Variants in PEPD observed in about 807,000 individuals in gnomAD.
The protein encoded by PEPD is peptidase D, also known as xaa-Pro dipeptidase.
A neutral mutation model predicts 60.7 loss-of-function variants in PEPD; 53 were observed. The ratio of observed to expected loss-of-function variants is 0.87; its 90% CI spans 0.70 to 1.10. The LOEUF (loss-of-function observed/expected upper bound fraction) is 1.10, where lower values mean the gene tolerates loss of function less well. Among genes scored for constraint, PEPD ranks in the 50% least tolerant of loss-of-function variants. The pLI is 0.00. For missense variants in PEPD, 711 were observed against 711.9 expected, an observed-to-expected ratio of 1.00 and a Z score of 0.01; for synonymous variants, 267 against 284.1, an observed-to-expected ratio of 0.94 and a Z score of 0.60.
intron 9 of PEPD, among the ~76,000 whole-genome samples, chr19:33,418,211 T>C (rs1057365971): frequency 2.0e-5 from 3 of 152,208 alleles, no homozygotes; most frequent in Non-Finnish European, 2.9e-5. Context: ...TGCTTATAAT[T>C]CACATTTATT....
chr19:33,423,102 T>TCCATCCATCCATCCAC (rs1465979943), intron 9 of PEPD, among the ~76,000 whole-genome samples: 1 of 151,308 alleles, frequency 6.6e-6, no homozygotes, highest in Non-Finnish European at 1.5e-5. Context: ...TTATCATCCA[T>TCCATCCATCCATCCAC]CCATCCATCC....
intron 1 of PEPD, among the ~76,000 whole-genome samples, chr19:33,514,035 G>A (rs79910652): frequency 0.092 from 13,956 of 151,628 alleles, 670 homozygotes; most frequent in East Asian, 0.15. Flanking sequence ...AGCTCCCTGA[G>A]GGCAGGGACA....
At chr19:33,450,133 T>C (rs1335723935) in intron 9 of PEPD, among the ~76,000 whole-genome samples, 1 of 152,252 alleles carries the variant, frequency 6.6e-6, no homozygotes, top group African/African-American at 2.4e-5. Context: ...TTTATCAGTC[T>C]AGGTCAGAAC....
intron 9 of PEPD, among the ~76,000 whole-genome samples, chr19:33,460,880 T>G (rs1969913036): frequency 6.6e-6 from 1 of 152,048 alleles, no homozygotes; most frequent in Admixed American, 6.6e-5. Context: ...ACCCAGGGTC[T>G]TGGGATGGGG....
chr19:33,498,460 G>T (rs1970649337), intron 4 of PEPD, among the ~76,000 whole-genome samples: 1 of 152,196 alleles, frequency 6.6e-6, no homozygotes, highest in South Asian at 2.1e-4. Context: ...AATCACAGTA[G>T]ACACGGAGCT....
At chr19:33,466,769 A>G (rs1970024734) in intron 7 of PEPD, among the ~76,000 whole-genome samples, 1 of 149,994 alleles carries the variant, frequency 6.7e-6, no homozygotes, top group African/African-American at 2.4e-5. Flanking sequence ...AAAAAAAAAA[A>G]GAAATAAAAA....
At chr19:33,456,294 CTG>C (rs1969799027) in intron 9 of PEPD, among the ~76,000 whole-genome samples, 1 of 152,172 alleles carries the variant, frequency 6.6e-6, no homozygotes, top group South Asian at 2.1e-4. Context: ...AGGACCTGCC[CTG>C]CCAGCACAGG....
At chr19:33,441,460 C>A (rs1600117403) in intron 9 of PEPD, among the ~76,000 whole-genome samples, 1 of 152,222 alleles carries the variant, frequency 6.6e-6, no homozygotes, top group Non-Finnish European at 1.5e-5. Context: ...TGCACAGTCC[C>A]GGGGAGGCCG....
At chr19:33,409,323 G>A (rs1261460821) in intron 11 of PEPD, among the ~76,000 whole-genome samples, 1 of 152,254 alleles carries the variant, frequency 6.6e-6, no homozygotes, top group Non-Finnish European at 1.5e-5. Flanking sequence ...GGGTTCCCAT[G>A]TCCTGTCCTC....
At chr19:33,436,687 C>G (rs548036645) in intron 9 of PEPD, among the ~76,000 whole-genome samples, 137 of 152,382 alleles carry the variant, frequency 9.0e-4, no homozygotes, top group African/African-American at 3.2e-3. Context: ...GCAATCACCT[C>G]ATGGGCACTG....
chr19:33,399,761 G>A (rs1300325577), intron 12 of PEPD, among the ~76,000 whole-genome samples: 1 of 152,178 alleles, frequency 6.6e-6, no homozygotes, highest in East Asian at 1.9e-4. Context: ...GGAGGCTCCA[G>A]ATCTTTCTTT....
intron 1 of PEPD, among the ~76,000 whole-genome samples, chr19:33,518,218 G>C (rs2145364596): frequency 6.6e-6 from 1 of 152,278 alleles, no homozygotes; most frequent in South Asian, 2.1e-4. Flanking sequence ...GGGCGGATAG[G>C]GGTGCCAAGC....
At chr19:33,465,505 C>T (rs1244019468) in intron 7 of PEPD, among the ~76,000 whole-genome samples, 1 of 152,136 alleles carries the variant, frequency 6.6e-6, no homozygotes, top group African/African-American at 2.4e-5. Context: ...AGCTCCCTCG[C>T]TTCAGCTGGG....
chr19:33,508,000 A>C (rs1260054556), intron 3 of PEPD, among the ~76,000 whole-genome samples: 1 of 152,012 alleles, frequency 6.6e-6, no homozygotes, highest in South Asian at 2.1e-4. Context: ...CCTGCCCAGC[A>C]TGTACACAGC....
At chr19:33,397,141 T>C (rs1007608135) in intron 12 of PEPD, among the ~76,000 whole-genome samples, 5 of 152,186 alleles carry the variant, frequency 3.3e-5, no homozygotes, top group African/African-American at 7.2e-5. Flanking sequence ...GCCGCCAGGG[T>C]AGGGTCTCCG....
At chr19:33,408,019 G>C (rs923858518) in intron 11 of PEPD, among the ~76,000 whole-genome samples, 10 of 152,264 alleles carry the variant, frequency 6.6e-5, no homozygotes, top group Non-Finnish European at 1.3e-4. Context: ...GCAGGAACCA[G>C]GGTGTCTGGT....
At chr19:33,413,771 A>C in intron 9 of PEPD, 128 bp from the exon 10 acceptor site, 1 of 674,950 alleles carries the variant, frequency 1.5e-6, no homozygotes, top group Non-Finnish European at 2.7e-6. Flanking sequence ...CAATGGTCCA[A>C]ACTCTCAGTG....
At chr19:33,492,187 C>A (rs10423895) in intron 5 of PEPD, among the ~76,000 whole-genome samples, 1,936 of 151,948 alleles carry the variant, frequency 0.013, 49 homozygotes, top group African/African-American at 0.044. Flanking sequence ...TCTTTGGGGG[C>A]ACACCACAGC....
At chr19:33,506,647 CCA>C (rs1223777849) in intron 3 of PEPD, among the ~76,000 whole-genome samples, 8 of 144,946 alleles carry the variant, frequency 5.5e-5, no homozygotes, top group South Asian at 2.3e-4. Flanking sequence ...ACACACATGC[CCA>C]CACACACTCC....
Sources: gnomAD v4.1 joint callset for allele counts (sites outside exome capture counted in the v4.1 genomes callset) on GRCh38, gnomAD v4.1.1 for gene constraint, MANE v1.5 for transcripts, NCBI Gene and HGNC (gene_info 2026-07-23, HGNC 2026-07-21) for gene names.